Variants in BAZ2B observed in about 807,000 individuals in gnomAD.
BAZ2B encodes the protein bromodomain adjacent to zinc finger domain 2B, also known as bromodomain adjacent to zinc finger domain protein 2B.
A neutral mutation model predicts 246.0 loss-of-function variants in BAZ2B; 91 were observed. That is an observed-to-expected ratio of 0.37 (90% CI 0.31 to 0.44). The LOEUF (loss-of-function observed/expected upper bound fraction) is 0.44. BAZ2B is among the 20% of genes least tolerant of loss of function. The pLI is 1.00. For synonymous variants in BAZ2B, 855 were observed against 860.0 expected (o/e 0.99, Z 0.10); for missense variants, 2,332 against 2,533.7 (o/e 0.92, Z 1.71).
the BAZ2B span, among the ~76,000 whole-genome samples, chr2:159,667,698 A>C: frequency 6.6e-6 from 1 of 151,960 alleles, no homozygotes; most frequent in African/African-American, 2.4e-5. Context: ...AAAATCAGTT[A>C]ATTATATATG....
chr2:159,663,637 A>C, the BAZ2B span, among the ~76,000 whole-genome samples: 9 of 151,636 alleles, frequency 5.9e-5, no homozygotes, highest in African/African-American at 2.2e-4. Flanking sequence ...CTCCTGCCTC[A>C]GCCTCCCGAG....
At chr2:159,650,525 T>G in the BAZ2B span, among the ~76,000 whole-genome samples, 1 of 152,170 alleles carries the variant, frequency 6.6e-6, no homozygotes, top group East Asian at 1.9e-4. Context: ...CTATTCCTAT[T>G]CCTGTGAGAA....
chr2:159,602,899 G>A (rs1167656451), intron 1 of BAZ2B, among the ~76,000 whole-genome samples: 1 of 152,226 alleles, frequency 6.6e-6, no homozygotes, highest in African/African-American at 2.4e-5. Context: ...CACTTTGGAA[G>A]GCTGAGGAGG....
At chr2:159,673,794 TAA>T in the BAZ2B span, among the ~76,000 whole-genome samples, 2 of 151,836 alleles carry the variant, frequency 1.3e-5, no homozygotes, top group African/African-American at 4.8e-5. Context: ...CTGAAAGAAA[TAA>T]GAATATATAA....
chr2:159,349,905 T>C lies in BAZ2B; in HGVS notation c.4666A>G (p.Asn1556Asp). ...DQLLKTLTEK[N>D]RQWFSLLPRT... ...GGCAAAAGACTAAACCATTGTCTAT[T>C]CTTTTCAGTCAGCGTTTTTAGTAAC... Residue 1556 changes from asparagine (N) to aspartate (D), a missense_variant, in exon 28 of 37, where the codon AAT becomes GAT. Around this residue, in one of 9 missense-constraint regions of BAZ2B, gnomAD observed 676 missense variants for 668.6 expected, o/e 1.01. Coordinates refer to ENST00000392783, the MANE Select transcript of BAZ2B (RefSeq NM_013450.4). The C allele has an allele frequency of 6.2e-7, 1 of 1,614,190 alleles. No individual in the cohort carries two copies. Among genetic ancestry groups the C allele is most frequent in the Non-Finnish European group, 8.5e-7 (1 of 1,180,024 alleles).
At chr2:159,630,635 G>T in the BAZ2B span, among the ~76,000 whole-genome samples, 1 of 151,392 alleles carries the variant, frequency 6.6e-6, no homozygotes, top group African/African-American at 2.4e-5. Flanking sequence ...CCGGGTTCAC[G>T]CCATTCTCCT....
At chr2:159,429,654 T>TA (rs1267779882) in intron 10 of BAZ2B, among the ~76,000 whole-genome samples, 1 of 152,168 alleles carries the variant, frequency 6.6e-6, no homozygotes, top group Admixed American at 6.5e-5. Flanking sequence ...AGCTGGCTCA[T>TA]ATATTTAAAG....
intron 1 of BAZ2B, among the ~76,000 whole-genome samples, chr2:159,595,995 T>TG (rs11422172): frequency 0.55 from 84,041 of 152,044 alleles, 23,992 homozygotes; most frequent in East Asian, 0.75. Flanking sequence ...ATTCGTGAAT[T>TG]TTCTTTGCTC....
chr2:159,596,097 G>A (rs2151732366), intron 1 of BAZ2B, among the ~76,000 whole-genome samples: 1 of 152,256 alleles, frequency 6.6e-6, no homozygotes, highest in South Asian at 2.1e-4. Flanking sequence ...CTCGGTATGT[G>A]CATTTATTTT....
intron 14 of BAZ2B, among the ~76,000 whole-genome samples, chr2:159,411,509 C>A (rs1220888193): frequency 1.3e-5 from 2 of 152,092 alleles, no homozygotes; most frequent in African/African-American, 4.8e-5. Context: ...ATTTTTAAGT[C>A]AATTTTCATT....
chr2:159,468,566 C>T (rs1387235765), intron 3 of BAZ2B, among the ~76,000 whole-genome samples: 4 of 152,124 alleles, frequency 2.6e-5, no homozygotes, highest in Non-Finnish European at 5.9e-5. Flanking sequence ...TTCCAAACTA[C>T]CCATCAGCCA....
chr2:159,691,107 A>G, the BAZ2B span, among the ~76,000 whole-genome samples: 1 of 152,138 alleles, frequency 6.6e-6, no homozygotes, highest in Non-Finnish European at 1.5e-5. Flanking sequence ...TATTTTCTTG[A>G]GTGCTTTTAT....
intron 2 of BAZ2B, among the ~76,000 whole-genome samples, chr2:159,511,662 A>C (rs370865219): frequency 4.5e-4 from 68 of 152,338 alleles, no homozygotes; most frequent in African/African-American, 1.6e-3. Flanking sequence ...TCCAAATAAA[A>C]CAAATTTTAA....
upstream of BAZ2B, among the ~76,000 whole-genome samples, chr2:159,619,619 T>A (rs2151855358): frequency 6.6e-6 from 1 of 151,544 alleles, no homozygotes; most frequent in South Asian, 2.1e-4. Flanking sequence ...GATATACAAA[T>A]TAAAATTATT....
chr2:159,574,140 C>G (rs867192760), intron 1 of BAZ2B, among the ~76,000 whole-genome samples: 119 of 99,100 alleles, frequency 1.2e-3, no homozygotes, highest in African/African-American at 4.6e-3. Flanking sequence ...CACACACACA[C>G]ATACACACAC....
chr2:159,422,871 C>T lies in BAZ2B; in HGVS notation c.2466+5070G>A, dbSNP rs558506187. Among the ~76,000 whole-genome samples the T allele has an allele frequency of 1.4e-4, 21 of 152,180 alleles. 1 individual carries two copies. The South Asian group carries it at 3.9e-3, about 29-fold the overall frequency. On this transcript the variant is annotated intron_variant, in intron 13 of 36. Transcript: ENST00000392783. ...ACTTAATTCAACAAACAAAAAATAA[C>T]CCCATTAAAAAATGGACATGAACAA...
At chr2:159,388,441 T>C (rs1016996720) in intron 21 of BAZ2B, among the ~76,000 whole-genome samples, 2 of 152,116 alleles carry the variant, frequency 1.3e-5, no homozygotes, top group African/African-American at 2.4e-5. Context: ...AAAACACATA[T>C]GAGGTGCTTT....
At chr2:159,462,389 G>T in intron 3 of BAZ2B, 1 of 1,229,596 alleles carries the variant, frequency 8.1e-7, no homozygotes, top group Non-Finnish European at 1.2e-6. Flanking sequence ...CCTACATTCA[G>T]CCTTTAGGCA....
chr2:159,675,773 ACTGTCACCCAGG>A, the BAZ2B span, among the ~76,000 whole-genome samples: 1 of 152,004 alleles, frequency 6.6e-6, no homozygotes, highest in African/African-American at 2.4e-5. Context: ...ATCGGGTCTC[ACTGTCACCCAGG>A]CTGGAGTGCA....
Sources: gnomAD v4.1 joint callset for allele counts (sites outside exome capture counted in the v4.1 genomes callset) on GRCh38, gnomAD v4.1.1 for gene constraint, gnomAD v4.1.1 regional missense constraint, MANE v1.5 for transcripts, NCBI Gene and HGNC (gene_info 2026-07-23, HGNC 2026-07-21) for gene names.